The following CAMK4 variants were observed in gnomAD, a reference collection of about 807,000 sequenced individuals.
CAMK4 encodes the protein calcium/calmodulin-dependent protein kinase type IV.
Under a neutral mutation model 44.9 loss-of-function variants are expected in CAMK4, and 22 were observed. The ratio of observed to expected loss-of-function variants is 0.49; its 90% CI spans 0.35 to 0.70. CAMK4 has a LOEUF of 0.70. Among genes scored for constraint, CAMK4 ranks in the 30% least tolerant of loss-of-function variants. The pLI is 0.01. For synonymous variants in CAMK4, 218 were observed against 215.4 expected, an observed-to-expected ratio of 1.01 and a Z score of -0.11; for missense variants, 498 against 586.8, an observed-to-expected ratio of 0.85 and a Z score of 1.56.
Position 111,290,953 on chromosome 5 carries a change from G to A in CAMK4, c.162-53071G>A, listed in dbSNP as rs370055077. On this transcript the variant is annotated intron_variant, in intron 1 of 10. Coordinates refer to ENST00000282356, the MANE Select transcript of CAMK4 (RefSeq NM_001744.6). The surrounding 1 kb of genome is among the most constrained non-coding windows in gnomAD (Gnocchi z 4.5). The stretch of plus-strand genomic sequence containing the variant: ...ATTTAAATTAAGAAAATGCCACTTG[G>A]CTCTTTATGTTACCATGGGAAATTC... 5.3e-4 allele frequency among the ~76,000 whole-genome samples: 81 copies of A among 152,248 alleles called. No individual in the cohort carries two copies. The highest frequency in any genetic ancestry group is 1.7e-3 in the African/African-American group (72 of 41,544).
chr5:111,449,250 G>A lies in CAMK4; in HGVS notation c.625+47G>A, dbSNP rs139607808. 3,884 of 870,050 alleles carry A rather than the reference G, an allele frequency of 4.5e-3. 14 individuals are homozygous for A. Among genetic ancestry groups the A allele is most frequent in the Non-Finnish European group, 5.9e-3 (3,334 of 562,326 alleles). The allele number at this position is 870,050 out of a possible 1,614,324, so 53.9% of individuals were successfully genotyped here. ...TTTTACTTTTATTGTTATTTGAAAT[G>A]TATTTTTGTTTAGCAATCTCATTTT... On this transcript the variant is annotated intron_variant, in intron 7 of 10. Transcript: ENST00000282356.
At chr5:111,389,329 C>T (rs1751717788) in intron 4 of CAMK4, among the ~76,000 whole-genome samples, 1 of 152,180 alleles carries the variant, frequency 6.6e-6, no homozygotes, top group Non-Finnish European at 1.5e-5. Flanking sequence ...TAGGTTTCAA[C>T]ATATGAATTT....
intron 8 of CAMK4, among the ~76,000 whole-genome samples, chr5:111,473,762 G>A (rs1240933355): frequency 6.6e-6 from 1 of 151,952 alleles, no homozygotes; most frequent in African/African-American, 2.4e-5. Flanking sequence ...CTTTTAAATG[G>A]GCAAATGACT....
intron 1 of CAMK4, among the ~76,000 whole-genome samples, chr5:111,288,574 G>C (rs186490783): frequency 1.6e-4 from 24 of 152,190 alleles, no homozygotes; most frequent in Non-Finnish European, 2.9e-5. Flanking sequence ...CCTCTTTTAT[G>C]AAGCCCCTAT....
chr5:111,486,198 C>A lies in CAMK4; in HGVS notation c.*1732C>A, dbSNP rs901449486. On this transcript the variant is annotated 3_prime_UTR_variant, in exon 11 of 11. Transcript: ENST00000282356. ...CTCATGGGAAGAAAACAAGGTAGGA[C>A]TTCTTATCTTTCATAGTTTAAGAAT... The A allele has an allele frequency of 3.3e-5, 5 of 152,088 alleles. No individual in the cohort carries two copies. Among genetic ancestry groups the A allele is most frequent in the African/African-American group, 1.2e-4 (5 of 41,422 alleles). 9.4% of individuals were successfully genotyped at this position (152,088 alleles called of 1,614,324 possible). A position where few individuals can be genotyped will look rare whatever the true frequency, so the allele number is the denominator to read the frequency against.
At chr5:111,475,056 G>T (rs564709684) in intron 8 of CAMK4, among the ~76,000 whole-genome samples, 2 of 152,102 alleles carry the variant, frequency 1.3e-5, no homozygotes, top group African/African-American at 4.8e-5. Context: ...CCAGCTACTC[G>T]GGAAGCTGAG....
intron 7 of CAMK4, among the ~76,000 whole-genome samples, chr5:111,457,266 C>T (rs1434711572): frequency 1.3e-5 from 2 of 152,140 alleles, no homozygotes; most frequent in Non-Finnish European, 2.9e-5. Context: ...CACACACACA[C>T]ATTATGCAGA....
intron 5 of CAMK4, among the ~76,000 whole-genome samples, chr5:111,426,762 C>G (rs919928466): frequency 6.6e-6 from 1 of 152,152 alleles, no homozygotes; most frequent in African/African-American, 2.4e-5. Flanking sequence ...AAAGGAAACC[C>G]CAACCAAATT....
intron 1 of CAMK4, among the ~76,000 whole-genome samples, chr5:111,225,142 G>A (rs1249136240): frequency 1.3e-5 from 2 of 152,190 alleles, no homozygotes; most frequent in African/African-American, 2.4e-5. Flanking sequence ...TCCCTGCAGA[G>A]TCTGCTCAGG....
At chr5:111,233,826 CT>C (rs1748584855) in intron 1 of CAMK4, among the ~76,000 whole-genome samples, 1 of 152,004 alleles carries the variant, frequency 6.6e-6, no homozygotes, top group Non-Finnish European at 1.5e-5. Context: ...AAAATTACTC[CT>C]TTTTTATATA....
At chr5:111,267,652 G>T (rs574243897) in intron 1 of CAMK4, among the ~76,000 whole-genome samples, 18 of 148,842 alleles carry the variant, frequency 1.2e-4, no homozygotes, top group African/African-American at 4.5e-4. Context: ...TGCAGTGAGC[G>T]GAGATCGTGC....
At position 111,491,932 on chromosome 5, in the gene CAMK4, C is replaced by T. The variant is rs891375474; in HGVS notation, c.*7466C>T. 2.0e-5 allele frequency: 3 copies of T among 152,070 alleles called. No individual in the cohort carries two copies. The highest frequency in any genetic ancestry group is 7.2e-5 in the African/African-American group (3 of 41,396). The allele number at this position is 152,070 out of a possible 1,614,324, so 9.4% of individuals were successfully genotyped here. On this transcript the variant is annotated 3_prime_UTR_variant, in exon 11 of 11. Coordinates refer to ENST00000282356, the MANE Select transcript of CAMK4 (RefSeq NM_001744.6). The stretch of plus-strand genomic sequence containing the variant: ...TTTCTCAACAATAGCTCAGGGAATA[C>T]GCAAACAGCCAGCTCTTTTATGTAA...
chr5:111,393,572 C>T (rs1751887550), intron 4 of CAMK4, among the ~76,000 whole-genome samples: 1 of 152,006 alleles, frequency 6.6e-6, no homozygotes, highest in African/African-American at 2.4e-5. Context: ...AGATCATGTC[C>T]TATGAAGGGA....
At chr5:111,271,239 T>G (rs894298559) in intron 1 of CAMK4, among the ~76,000 whole-genome samples, 1 of 152,216 alleles carries the variant, frequency 6.6e-6, no homozygotes, top group Non-Finnish European at 1.5e-5. Flanking sequence ...TTTAAGATCA[T>G]AGAATTTGGA....
At chr5:111,459,055 C>T (rs940272887) in intron 7 of CAMK4, among the ~76,000 whole-genome samples, 1 of 152,166 alleles carries the variant, frequency 6.6e-6, no homozygotes, top group Non-Finnish European at 1.5e-5. Flanking sequence ...ATATGGTCCA[C>T]ATGTCAACTT....
At chr5:111,454,064 C>T (rs368800845) in intron 7 of CAMK4, among the ~76,000 whole-genome samples, 2 of 152,098 alleles carry the variant, frequency 1.3e-5, no homozygotes, top group East Asian at 3.9e-4. Flanking sequence ...ACCAGAAAAG[C>T]TTTTTAAGAT....
At position 111,380,790 on chromosome 5, in the gene CAMK4, A is replaced by C. The variant is rs1449892407; in HGVS notation, c.386+3848A>C. Among the ~76,000 whole-genome samples, 5 of 152,166 alleles carry C rather than the reference A, an allele frequency of 3.3e-5. No individual in the cohort carries two copies. The East Asian group carries it at 9.6e-4, about 29-fold the overall frequency. On this transcript the variant is annotated intron_variant, in intron 4 of 10. Coordinates refer to ENST00000282356, the MANE Select transcript of CAMK4 (RefSeq NM_001744.6). ...AGAATTTGAGACCTGGAATGCTGTT[A>C]CCTTCCAAAAAAGGAGATTTTCTTT... is the stretch of plus-strand genomic sequence containing the variant.
chr5:111,283,478 C>T (rs1751106775), intron 1 of CAMK4, among the ~76,000 whole-genome samples: 1 of 152,180 alleles, frequency 6.6e-6, no homozygotes, highest in Non-Finnish European at 1.5e-5. Context: ...AATGAATGAG[C>T]AGTTCTTTAA....
chr5:111,312,360 C>T (rs1220385034), intron 1 of CAMK4, among the ~76,000 whole-genome samples: 1 of 152,194 alleles, frequency 6.6e-6, no homozygotes, highest in Non-Finnish European at 1.5e-5. Context: ...TGAGCAAGTG[C>T]TTCACTCTTT....
Sources: gnomAD v4.1 joint callset for allele counts (sites outside exome capture counted in the v4.1 genomes callset) on GRCh38, gnomAD v4.1.1 for gene constraint, Gnocchi (gnomAD v3.1) non-coding constraint, MANE v1.5 for transcripts, NCBI Gene and HGNC (gene_info 2026-07-23, HGNC 2026-07-21) for gene names.